MLPH: variants seen among roughly 807,000 people sequenced by gnomAD.
MLPH encodes the protein melanophilin, also known as exophilin-3.
In MLPH, 51 loss-of-function variants were observed where a neutral mutation model predicts 72.1. The ratio of observed to expected loss-of-function variants is 0.71; its 90% CI spans 0.56 to 0.89. MLPH has a LOEUF of 0.89. Among genes scored for constraint, MLPH ranks in the 40% least tolerant of loss-of-function variants. MLPH has a pLI of 0.00. For synonymous variants in MLPH, 301 were observed against 310.1 expected (o/e 0.97, Z 0.31); for missense variants, 743 against 759.9 (o/e 0.98, Z 0.26).
intron 9 of MLPH, among the ~76,000 whole-genome samples, chr2:237,536,191 G>GC (rs899747673): frequency 8.5e-5 from 13 of 152,130 alleles, no homozygotes; most frequent in African/African-American, 2.7e-4. Context: ...GAGCACACAG[G>GC]CCCCAAGTTA....
rs1365487690 is a variant in MLPH at position 237,511,194 on chromosome 2, GTGTGTGTGTGCA to G, written c.445+106_445+117del. 8.4e-5 allele frequency: 78 copies of G among 931,230 alleles called. No individual in the cohort carries two copies. The South Asian group carries it at 9.0e-4, about 11-fold the overall frequency. 57.7% of individuals were successfully genotyped at this position (931,230 alleles called of 1,614,324 possible). A position where few individuals can be genotyped will look rare whatever the true frequency, so the allele number is the denominator to read the frequency against. ...TTGGAGTGTGCATGTGTGTGTGTAC[GTGTGTGTGTGCA>G]TGTGTGTGTGCACATGTGTGTGCAT... is the stretch of plus-strand genomic sequence containing the variant. On this transcript the variant is annotated intron_variant, in intron 4 of 15. Transcript: ENST00000264605.
rs540094133 is a variant in MLPH, at chr2:237,497,787, G to T, written c.110+4251G>T. Among the ~76,000 whole-genome samples, 3 of 152,318 alleles carry T rather than the reference G, an allele frequency of 2.0e-5. No individual in the cohort carries two copies. In the South Asian group the frequency reaches 6.2e-4, roughly 32 times the overall value. On this transcript the variant is annotated intron_variant, in intron 2 of 15. Coordinates refer to ENST00000264605, the MANE Select transcript of MLPH (RefSeq NM_024101.7). ...CAACATGAACAGTCATCTGTGTGCT[G>T]CCGCCACAGAATCCCGTTCTCTGTA...
chr2:237,533,051 G>A (rs1427460703), intron 8 of MLPH, among the ~76,000 whole-genome samples: 5 of 152,178 alleles, frequency 3.3e-5, no homozygotes, highest in African/African-American at 1.2e-4. Context: ...TTTGATCACA[G>A]TGTACATCCT....
At chr2:237,521,877 G>T (rs1336303803) in intron 6 of MLPH, among the ~76,000 whole-genome samples, 5 of 140,078 alleles carry the variant, frequency 3.6e-5, no homozygotes, top group South Asian at 4.8e-4. Flanking sequence ...GTGGAGCAGG[G>T]CTGAGACTGG....
At chr2:237,500,739 C>T (rs2079628129) in intron 2 of MLPH, among the ~76,000 whole-genome samples, 2 of 152,180 alleles carry the variant, frequency 1.3e-5, no homozygotes, top group South Asian at 4.2e-4. Context: ...AAGTTAAGTT[C>T]CCAGGACTCA....
intron 2 of MLPH, among the ~76,000 whole-genome samples, chr2:237,494,403 T>G (rs1574830412): frequency 6.8e-6 from 1 of 146,514 alleles, no homozygotes; most frequent in Non-Finnish European, 1.5e-5. Flanking sequence ...ATGTAACAGG[T>G]GGGGGGCATG....
chr2:237,486,467 G>A (rs940093131), upstream of MLPH: 1 of 152,324 alleles, frequency 6.6e-6, no homozygotes, highest in Non-Finnish European at 1.5e-5. Context: ...CTCGCCTTGG[G>A]ACCCTCTGAG....
At chr2:237,489,848 G>A (rs758230075) in intron 1 of MLPH, among the ~76,000 whole-genome samples, 37 of 152,084 alleles carry the variant, frequency 2.4e-4, no homozygotes, top group African/African-American at 6.8e-4. Flanking sequence ...ACTCTTTAGC[G>A]GATAAAGATG....
intron 11 of MLPH, among the ~76,000 whole-genome samples, chr2:237,542,080 C>A (rs1343836834): frequency 6.6e-6 from 1 of 152,096 alleles, no homozygotes; most frequent in Non-Finnish European, 1.5e-5. Context: ...CCCCTGGGGG[C>A]CACTGCAAGG....
chr2:237,536,319 A>G (rs2080530959), intron 9 of MLPH, among the ~76,000 whole-genome samples: 1 of 152,144 alleles, frequency 6.6e-6, no homozygotes, highest in Non-Finnish European at 1.5e-5. Flanking sequence ...CTATAAGGGG[A>G]TGAGTTACTG....
rs1411333688 is a variant in MLPH, at chr2:237,510,718, C to A, written c.255C>A (p.Gly85=). Reference sequence around the variant, plus strand: ...GCAAAAGGCAGTGCCTGGAATGTGGCCTCTTCACCTGCAAAAGCTGTGGCC... The same window carrying A: ...GCAAAAGGCAGTGCCTGGAATGTGGACTCTTCACCTGCAAAAGCTGTGGCC... ...VNSKRQCLEC[G]LFTCKSCGRV... The change falls in exon 3 of 16, where the codon GGC becomes GGA. Residue 85 remains glycine, a synonymous_variant. Transcript: ENST00000264605. The surrounding 1 kb of genome is among the most constrained non-coding windows in gnomAD (Gnocchi z 4.4). The A allele has an allele frequency of 8.7e-6, 14 of 1,613,720 alleles. No homozygotes were observed. Among genetic ancestry groups the A allele is most frequent in the Non-Finnish European group, 1.2e-5 (14 of 1,180,034 alleles).
At chr2:237,501,033 C>T (rs1288386847) in intron 2 of MLPH, among the ~76,000 whole-genome samples, 1 of 152,148 alleles carries the variant, frequency 6.6e-6, no homozygotes, top group Non-Finnish European at 1.5e-5. Flanking sequence ...GCTTCCATCA[C>T]ATTTACGATG....
chr2:237,552,886 GTGTT>G (rs771229204), intron 15 of MLPH, among the ~76,000 whole-genome samples: 98 of 152,320 alleles, frequency 6.4e-4, no homozygotes, highest in Middle Eastern at 3.4e-3. Context: ...GCATGCCTGT[GTGTT>G]TGTGCACACC....
chr2:237,547,032 G>A (rs929052154), intron 13 of MLPH, among the ~76,000 whole-genome samples: 7 of 152,220 alleles, frequency 4.6e-5, no homozygotes, highest in Admixed American at 2.0e-4. Context: ...TGGAGACCAC[G>A]CAGATCACAC....
chr2:237,547,402 A>T (rs548355676), intron 13 of MLPH, among the ~76,000 whole-genome samples: 59 of 35,180 alleles, frequency 1.7e-3, no homozygotes, highest in East Asian at 2.2e-3. Context: ...GGGAGGGAGG[A>T]GCTCCCCGTG....
chr2:237,490,591 G>A (rs2079410008), intron 1 of MLPH, among the ~76,000 whole-genome samples: 1 of 152,234 alleles, frequency 6.6e-6, no homozygotes, highest in African/African-American at 2.4e-5. Flanking sequence ...GTTAGGAGAA[G>A]AGAGGGAATG....
At chr2:237,502,229 A>T (rs2079667194) in intron 2 of MLPH, among the ~76,000 whole-genome samples, 1 of 152,224 alleles carries the variant, frequency 6.6e-6, no homozygotes, top group Non-Finnish European at 1.5e-5. Flanking sequence ...AAAGATTATC[A>T]CATGTTATTA....
At chr2:237,531,425 C>T (rs2080418873) in intron 8 of MLPH, among the ~76,000 whole-genome samples, 1 of 151,614 alleles carries the variant, frequency 6.6e-6, no homozygotes. Flanking sequence ...CCTTGGCTGG[C>T]TGAGCATCTC....
chr2:237,531,460 A>T (rs1420026673), intron 8 of MLPH, among the ~76,000 whole-genome samples: 1 of 152,228 alleles, frequency 6.6e-6, no homozygotes, highest in Admixed American at 6.5e-5. Flanking sequence ...TGAAGACAAC[A>T]GGATGAAGAG....
Sources: gnomAD v4.1 joint callset for allele counts (sites outside exome capture counted in the v4.1 genomes callset) on GRCh38, gnomAD v4.1.1 for gene constraint, Gnocchi (gnomAD v3.1) non-coding constraint, MANE v1.5 for transcripts, NCBI Gene and HGNC (gene_info 2026-07-23, HGNC 2026-07-21) for gene names.